FSHR: variants seen among roughly 807,000 people sequenced by gnomAD.
FSHR encodes follicle stimulating hormone receptor.
A neutral mutation model predicts 52.1 loss-of-function variants in FSHR; 46 were observed. The ratio of observed to expected loss-of-function variants is 0.88; its 90% CI spans 0.70 to 1.13. The LOEUF is 1.13. Ranked by LOEUF, FSHR falls within the 50% of genes most tolerant of loss-of-function variation. FSHR has a pLI of 0.00. For synonymous variants in FSHR, 399 were observed against 309.6 expected (o/e 1.29, Z -3.03); for missense variants, 964 against 834.6 (o/e 1.16, Z -1.91).
Position 48,984,819 on chromosome 2 carries a change from G to C in FSHR, c.525-1653C>G, listed in dbSNP as rs1345371857. ...TATTACTGTCCTGTAAATCGATGTT[G>C]CTATAATCAAATAAAACATAAACTA... On this transcript the variant is annotated intron_variant, in intron 6 of 9. Coordinates refer to ENST00000406846, the MANE Select transcript of FSHR (RefSeq NM_000145.4). 1.3e-5 allele frequency among the ~76,000 whole-genome samples: 2 copies of C among 152,062 alleles called. 1 individual carries two copies. The highest frequency in any genetic ancestry group is 4.8e-5 in the African/African-American group (2 of 41,404).
At position 48,966,370 on chromosome 2, in the gene FSHR, A is replaced by C. The variant is rs112036514; in HGVS notation, c.854+2328T>G. On this transcript the variant is annotated intron_variant, in intron 9 of 9. Coordinates refer to ENST00000406846, the MANE Select transcript of FSHR (RefSeq NM_000145.4). ...AGAAACACAATTTTTATTGTATTTA[A>C]CATTAAAAATTGAAGAATAAAATGA... Among the ~76,000 whole-genome samples, 314 of 152,342 alleles carry C rather than the reference A, an allele frequency of 2.1e-3. 2 individuals carry two copies. Among genetic ancestry groups the C allele is most frequent in the African/African-American group, 6.8e-3 (284 of 41,574 alleles).
rs1224728805 is a variant in FSHR at position 48,963,841 on chromosome 2, T to TA, written c.979_980insT (p.Asp327ValfsTer6). ...ATAGTCAAACTCAGTGTACGTCATG[T>TA]CAAATCCTCTGCTGTAGCTGGACTC... On this transcript the variant is annotated frameshift_variant, in exon 10 of 10. Transcript: ENST00000406846. LOFTEE classifies it high-confidence loss of function. 2 of 1,614,036 alleles carry TA rather than the reference T, an allele frequency of 1.2e-6. No homozygotes were observed. Among genetic ancestry groups the TA allele is most frequent in the Non-Finnish European group, 1.7e-6 (2 of 1,180,018 alleles).
chr2:49,094,155 A>T (rs944414514), intron 1 of FSHR, among the ~76,000 whole-genome samples: 4 of 152,140 alleles, frequency 2.6e-5, no homozygotes, highest in African/African-American at 9.7e-5. Context: ...TAAATTTTTA[A>T]GTAGTTGCTC....
intron 4 of FSHR, among the ~76,000 whole-genome samples, chr2:49,012,525 A>G (rs1341918244): frequency 6.6e-6 from 1 of 152,178 alleles, no homozygotes; most frequent in Non-Finnish European, 1.5e-5. Context: ...ATGAGATGGC[A>G]TCAACAGGGA....
chr2:49,115,523 A>C (rs1671567674), intron 1 of FSHR, among the ~76,000 whole-genome samples: 1 of 152,206 alleles, frequency 6.6e-6, no homozygotes, highest in African/African-American at 2.4e-5. Context: ...GTTTGTGAGA[A>C]GAGGAGGAAA....
chr2:49,087,506 A>G (rs1206147339), intron 1 of FSHR, among the ~76,000 whole-genome samples: 1 of 152,210 alleles, frequency 6.6e-6, no homozygotes, highest in African/African-American at 2.4e-5. Context: ...AAAAAAGACG[A>G]AGTATCTGCC....
At chr2:49,078,913 T>C (rs1006172482) in intron 1 of FSHR, among the ~76,000 whole-genome samples, 2 of 151,894 alleles carry the variant, frequency 1.3e-5, no homozygotes, top group Non-Finnish European at 2.9e-5. Flanking sequence ...TACTACGCAA[T>C]AAGAATAGAA....
intron 1 of FSHR, among the ~76,000 whole-genome samples, chr2:49,076,906 G>C (rs1669970703): frequency 6.6e-6 from 1 of 152,222 alleles, no homozygotes; most frequent in South Asian, 2.1e-4. Context: ...CCAGGTCACA[G>C]TAATGTAAGA....
intron 9 of FSHR, among the ~76,000 whole-genome samples, chr2:48,965,619 C>T (rs1469078467): frequency 6.6e-6 from 1 of 152,158 alleles, no homozygotes; most frequent in Non-Finnish European, 1.5e-5. Context: ...CTGGTACTTG[C>T]TGACTGCAGT....
chr2:49,013,912 A>G (rs1335410392), intron 4 of FSHR, among the ~76,000 whole-genome samples: 1 of 152,038 alleles, frequency 6.6e-6, no homozygotes, highest in East Asian at 1.9e-4. Context: ...TGCCCTTACA[A>G]AAAGAGGAAG....
intron 2 of FSHR, among the ~76,000 whole-genome samples, chr2:49,049,847 ATAT>A (rs1668791179): frequency 2.1e-5 from 3 of 145,904 alleles, no homozygotes; most frequent in African/African-American, 7.5e-5. Context: ...ATATATATAT[ATAT>A]AATAAAAACC....
chr2:49,071,537 C>T (rs781473921), intron 1 of FSHR, among the ~76,000 whole-genome samples: 2 of 151,778 alleles, frequency 1.3e-5, no homozygotes, highest in Non-Finnish European at 2.9e-5. Context: ...AAATTTAATC[C>T]AGGAGGAAGG....
At chr2:49,146,277 A>G (rs1045380571) in intron 1 of FSHR, among the ~76,000 whole-genome samples, 5 of 152,034 alleles carry the variant, frequency 3.3e-5, no homozygotes, top group Non-Finnish European at 1.5e-5. Flanking sequence ...AAGCTTTCTT[A>G]AAGGGACAGA....
chr2:49,150,358 C>A (rs139929238), intron 1 of FSHR, among the ~76,000 whole-genome samples: 1 of 152,028 alleles, frequency 6.6e-6, no homozygotes, highest in Non-Finnish European at 1.5e-5. Flanking sequence ...ATCTTTATAT[C>A]AATTTTCCAA....
At chr2:49,125,563 C>A (rs1257697563) in intron 1 of FSHR, among the ~76,000 whole-genome samples, 2 of 152,184 alleles carry the variant, frequency 1.3e-5, no homozygotes, top group Admixed American at 1.3e-4. Context: ...TGCTGCATCT[C>A]CAGCATATAG....
At chr2:48,994,564 A>G (rs1404901615) in intron 4 of FSHR, among the ~76,000 whole-genome samples, 1 of 152,100 alleles carries the variant, frequency 6.6e-6, no homozygotes, top group East Asian at 1.9e-4. Flanking sequence ...AAGATAATAC[A>G]GGAAATGGAG....
rs181810383 is a variant in FSHR at position 49,096,740 on chromosome 2, T to C, written c.153-28450A>G. Among the ~76,000 whole-genome samples the C allele has an allele frequency of 9.1e-4, 139 of 152,286 alleles. 1 individual carries two copies. The highest frequency in any genetic ancestry group is 3.4e-3 in the Middle Eastern group (1 of 294). On this transcript the variant is annotated intron_variant, in intron 1 of 9. Transcript: ENST00000406846. ...TCATGTTGAATTGTAATCCCCAGTA[T>C]TGGAGATGGGGCCTGGTGGGAGGTA... is the stretch of plus-strand genomic sequence containing the variant.
chr2:49,153,333 A>C (rs1572636076), intron 1 of FSHR, among the ~76,000 whole-genome samples: 1 of 152,210 alleles, frequency 6.6e-6, no homozygotes, highest in Admixed American at 6.5e-5. Flanking sequence ...CCTGAGTCCC[A>C]ACTTGCCAGT....
rs769052497 is a variant in FSHR, at chr2:48,963,371, G to A, written c.1450C>T (p.Arg484Cys). The A allele has an allele frequency of 1.7e-5, 28 of 1,613,858 alleles. No individual in the cohort carries two copies. The highest frequency in any genetic ancestry group is 6.7e-5 in the Admixed American group (4 of 59,974). Residue 484 changes from arginine (R) to cysteine (C), a missense_variant, in exon 10 of 10, where the codon CGC becomes TGC. Coordinates refer to ENST00000406846, the MANE Select transcript of FSHR (RefSeq NM_000145.4). ...ATCACCATGACACTGGCAGCATGGC[G>A]GAGCTGCACCTTGCAGTCCAGCTGC... ...AMQLDCKVQL[R>C]HAASVMVMGW...
Sources: allele counts gnomAD v4.1 joint callset (sites outside exome capture counted in the v4.1 genomes callset), GRCh38; gene constraint gnomAD v4.1.1; transcripts MANE v1.5; gene names NCBI Gene and HGNC (gene_info 2026-07-23, HGNC 2026-07-21).